The following CASQ2 variants were observed in gnomAD, a reference collection of about 807,000 sequenced individuals.
The protein encoded by CASQ2 is calsequestrin 2.
Under a neutral mutation model 46.5 loss-of-function variants are expected in CASQ2, and 49 were observed. That is an observed-to-expected ratio of 1.05 (90% CI 0.84 to 1.34). CASQ2 has a LOEUF of 1.34. Ranked by LOEUF, CASQ2 falls within the 40% of genes most tolerant of loss-of-function variation. The probability of loss-of-function intolerance (pLI) is 0.00; values close to 1 mark genes in which losing one functional copy is unlikely to be tolerated. For missense variants in CASQ2, 486 were observed against 481.3 expected, an observed-to-expected ratio of 1.01 and a Z score of -0.09; for synonymous variants, 174 against 168.5, an observed-to-expected ratio of 1.03 and a Z score of -0.25.
At chr1:115,748,780 A>G (rs1319329044) in intron 1 of CASQ2, among the ~76,000 whole-genome samples, 1 of 152,170 alleles carries the variant, frequency 6.6e-6, no homozygotes, top group African/African-American at 2.4e-5. Flanking sequence ...CTTAAGTTAA[A>G]TGTTCCCTTG....
In CASQ2 at chr1:115,768,511, T is replaced by A. The variant is rs2101130741; in HGVS notation, c.31A>T (p.Ile11Phe). 6.2e-7 allele frequency: 1 copy of A among 1,613,222 alleles called. No individual in the cohort carries two copies. The highest frequency in any genetic ancestry group is 8.5e-7 in the Non-Finnish European group (1 of 1,179,250). The change falls in exon 1 of 11, where the codon ATT (isoleucine) becomes TTT (phenylalanine). Residue 11 changes from isoleucine to phenylalanine, a missense_variant. Transcript: ENST00000261448. ...GCCCTGCAAGAGGACAGAAAATAAA[T>A]CCCCACAATAAACAAGTGAGTTCTC... MKRTHLFIVG[I>F]YFLSSCRAEE...
At chr1:115,714,818 T>C (rs1021018513) in intron 8 of CASQ2, among the ~76,000 whole-genome samples, 4 of 152,204 alleles carry the variant, frequency 2.6e-5, no homozygotes, top group Non-Finnish European at 4.4e-5. Context: ...CCTATCCCCC[T>C]GCCCTCACCT....
At chr1:115,711,591 A>AG (rs1393932913) in intron 8 of CASQ2, among the ~76,000 whole-genome samples, 1,937 of 77,216 alleles carry the variant, frequency 0.025, 49 homozygotes, top group African/African-American at 0.1. Context: ...ACTCATTTTA[A>AG]GATTTTTTTT....
intron 1 of CASQ2, among the ~76,000 whole-genome samples, chr1:115,761,139 C>G (rs914931651): frequency 6.6e-6 from 1 of 151,626 alleles, no homozygotes; most frequent in Non-Finnish European, 1.5e-5. Context: ...GTGCTCGGCT[C>G]TCAGTTTTCC....
At chr1:115,709,256 G>A (rs994012579) in intron 8 of CASQ2, among the ~76,000 whole-genome samples, 12 of 152,298 alleles carry the variant, frequency 7.9e-5, no homozygotes, top group African/African-American at 2.4e-4. Context: ...AAAGAGAAAC[G>A]TTCTCTGTGG....
intron 4 of CASQ2, among the ~76,000 whole-genome samples, chr1:115,733,679 G>A (rs1647865954): frequency 6.6e-6 from 1 of 152,160 alleles, no homozygotes; most frequent in Middle Eastern, 3.4e-3. Context: ...AAAGAGATTT[G>A]TCCTCAAACC....
Position 115,701,086 on chromosome 1 carries a change from T to C in CASQ2, c.*155A>G. The stretch of plus-strand genomic sequence containing the variant: ...ATTTGAAAAGGCATTTGCTGAATGA[T>C]GCTGCTCCTGACGCAAAGGGAGTGG... On this transcript the variant is annotated 3_prime_UTR_variant, in exon 11 of 11. Transcript: ENST00000261448. The C allele has an allele frequency of 2.6e-6, 3 of 1,136,628 alleles. No individual in the cohort carries two copies. Among genetic ancestry groups the C allele is most frequent in the Non-Finnish European group, 4.0e-6 (3 of 753,256 alleles). 70.4% of individuals were successfully genotyped at this position (1,136,628 alleles called of 1,614,324 possible). A position where few individuals can be genotyped will look rare whatever the true frequency, so the allele number is the denominator to read the frequency against.
intron 7 of CASQ2, among the ~76,000 whole-genome samples, chr1:115,722,749 CTAAG>C (rs1647421070): frequency 6.6e-6 from 1 of 152,084 alleles, no homozygotes. Flanking sequence ...TTAAAGGTGA[CTAAG>C]GAAGCATAAG....
intron 5 of CASQ2, among the ~76,000 whole-genome samples, chr1:115,727,460 G>A (rs1647635798): frequency 6.6e-6 from 1 of 152,212 alleles, no homozygotes; most frequent in Admixed American, 6.5e-5. Flanking sequence ...GGAAGCAAAT[G>A]CCAATGGAGC....
chr1:115,761,439 A>AAGAAGAAGAAG lies in CASQ2; in HGVS notation c.234+6868_234+6869insCTTCTTCTTCT, dbSNP rs796782557. ...GAAGAAGAAGAAGAAGAAGAAGAAG[A>AAGAAGAAGAAG]AAGAAGAAGAAGAAGAAGAAGAAGG... On this transcript the variant is annotated intron_variant, in intron 1 of 10. Coordinates refer to ENST00000261448, the MANE Select transcript of CASQ2 (RefSeq NM_001232.4). 2.9e-3 allele frequency among the ~76,000 whole-genome samples: 16 copies of AAGAAGAAGAAG among 5,540 alleles called. 4 individuals are homozygous for AAGAAGAAGAAG. The highest frequency in any genetic ancestry group is 8.9e-3 in the African/African-American group (7 of 786). 3.6% of individuals were successfully genotyped at this position (5,540 alleles called of 152,430 possible).
At position 115,701,190 on chromosome 1, in the gene CASQ2, A is replaced by G. The variant is rs749065364; in HGVS notation, c.*51T>C. The G allele has an allele frequency of 6.2e-7, 1 of 1,612,784 alleles. No individual in the cohort carries two copies. The highest frequency in any genetic ancestry group is 1.1e-5 in the South Asian group (1 of 91,016). On this transcript the variant is annotated 3_prime_UTR_variant, in exon 11 of 11. Coordinates refer to ENST00000261448, the MANE Select transcript of CASQ2 (RefSeq NM_001232.4). ...CTTGCTGCCACCTTGTGCTGTCTGT[A>G]TGGTAGTGGGTGCTGTGATTTTGTT... is the stretch of plus-strand genomic sequence containing the variant.
intron 2 of CASQ2, among the ~76,000 whole-genome samples, chr1:115,741,745 G>C (rs1648185515): frequency 6.6e-6 from 1 of 152,182 alleles, no homozygotes; most frequent in South Asian, 2.1e-4. Flanking sequence ...CTGATGTTGT[G>C]TACCTTAACA....
intron 8 of CASQ2, among the ~76,000 whole-genome samples, chr1:115,711,622 T>A (rs1407168428): frequency 6.7e-6 from 1 of 149,404 alleles, no homozygotes; most frequent in African/African-American, 2.5e-5. Flanking sequence ...CTTTGATCCT[T>A]CGTTGATGGG....
In CASQ2 at chr1:115,708,904, G is replaced by A. The variant is rs79838229; in HGVS notation, c.839-3612C>T. On this transcript the variant is annotated intron_variant, in intron 8 of 10. Coordinates refer to ENST00000261448, the MANE Select transcript of CASQ2 (RefSeq NM_001232.4). Reference sequence around the variant, plus strand: ...GCAGCTCCTTCCAGCTCCTGTTGCCGATTCTGTGACCAAAGGCTTCAGGGA... The same window carrying A: ...GCAGCTCCTTCCAGCTCCTGTTGCCAATTCTGTGACCAAAGGCTTCAGGGA... Among the ~76,000 whole-genome samples the A allele has an allele frequency of 8.0e-3, 1,212 of 152,320 alleles. 18 individuals carry two copies. The highest frequency in any genetic ancestry group is 0.028 in the African/African-American group (1,150 of 41,572).
In CASQ2 at chr1:115,727,180, T is replaced by C. The variant is rs1647625155; in HGVS notation, c.607-58A>G. ...TGAATACTAGTCTAGAATAGCAGTG[T>C]GTTGTCCATCTAAGATAAGTGTGTA... is the stretch of plus-strand genomic sequence containing the variant. On this transcript the variant is annotated intron_variant, in intron 5 of 10. Coordinates refer to ENST00000261448, the MANE Select transcript of CASQ2 (RefSeq NM_001232.4). 5 of 1,303,574 alleles carry C rather than the reference T, an allele frequency of 3.8e-6. No individual in the cohort carries two copies. The Admixed American group carries it at 8.5e-5, about 22-fold the overall frequency. The allele number at this position is 1,303,574 out of a possible 1,614,324, so 80.8% of individuals were successfully genotyped here. A position where few individuals can be genotyped will look rare whatever the true frequency, so the allele number is the denominator to read the frequency against.
In CASQ2 at chr1:115,726,986, A is replaced by T. The variant is rs760688872; in HGVS notation, c.737+6T>A. On this transcript the variant is annotated splice_donor_region_variant and intron_variant, in intron 6 of 10. Coordinates refer to ENST00000261448, the MANE Select transcript of CASQ2 (RefSeq NM_001232.4). Reference sequence around the variant, plus strand: ...GCCCCCAGCCCCCACATGCCATCTCAGGCACCTTTGGTGTTCCTTCACAAA... The same window carrying T: ...GCCCCCAGCCCCCACATGCCATCTCTGGCACCTTTGGTGTTCCTTCACAAA... 3.0e-5 allele frequency: 49 copies of T among 1,606,798 alleles called. No homozygotes were observed. The highest frequency in any genetic ancestry group is 3.4e-4 in the Middle Eastern group (2 of 5,852).
At chr1:115,756,114 C>T (rs754979210) in intron 1 of CASQ2, among the ~76,000 whole-genome samples, 1 of 152,128 alleles carries the variant, frequency 6.6e-6, no homozygotes, top group African/African-American at 2.4e-5. Context: ...TGAGGGAGTA[C>T]CTGTTGGCTC....
At chr1:115,729,507 T>C (rs1647716613) in intron 5 of CASQ2, among the ~76,000 whole-genome samples, 1 of 152,212 alleles carries the variant, frequency 6.6e-6, no homozygotes, top group Non-Finnish European at 1.5e-5. Flanking sequence ...TCATGGGTAT[T>C]AGCATTATAT....
chr1:115,759,716 TACTC>T (rs1324077797), intron 1 of CASQ2, among the ~76,000 whole-genome samples: 2 of 152,236 alleles, frequency 1.3e-5, no homozygotes, highest in African/African-American at 2.4e-5. Context: ...TATTACAAAA[TACTC>T]ACCAGTTTTC....
Sources: allele counts gnomAD v4.1 joint callset (sites outside exome capture counted in the v4.1 genomes callset), GRCh38; gene constraint gnomAD v4.1.1; transcripts MANE v1.5; gene names NCBI Gene and HGNC (gene_info 2026-07-23, HGNC 2026-07-21).